Variants in MEF2D observed in about 807,000 individuals in gnomAD.
The protein encoded by MEF2D is myocyte enhancer factor 2D.
MEF2D carries 10 observed loss-of-function variants against 59.3 expected under a neutral mutation model. The observed-to-expected ratio is 0.17, with a 90% CI of 0.10 to 0.29. The LOEUF is 0.29. Among genes scored for constraint, MEF2D ranks in the 10% least tolerant of loss-of-function variants. The pLI is 1.00. For missense variants in MEF2D, 508 were observed against 699.4 expected, an observed-to-expected ratio of 0.73 and a Z score of 3.09; for synonymous variants, 305 against 295.0, an observed-to-expected ratio of 1.03 and a Z score of -0.35.
chr1:156,476,619 G>C (rs1353876703), intron 7 of MEF2D, 105 bp from the exon 8 acceptor site: 2 of 1,426,424 alleles, frequency 1.4e-6, no homozygotes, highest in Non-Finnish European at 1.9e-6. Context: ...CATAAGAGTA[G>C]GGTGGCTCTA....
At chr1:156,477,355 C>T (rs541221884) in intron 6 of MEF2D, among the ~76,000 whole-genome samples, 153 bp from the exon 7 acceptor site, 1 of 152,150 alleles carries the variant, frequency 6.6e-6, no homozygotes, top group African/African-American at 2.4e-5. Context: ...ATTCCCTGAA[C>T]ACTTCATGTC....
At chr1:156,477,526 T>C (rs1181756795) in intron 6 of MEF2D, among the ~76,000 whole-genome samples, 1 of 152,154 alleles carries the variant, frequency 6.6e-6, no homozygotes. Flanking sequence ...GCCAAGAGGT[T>C]CTTCTGTACC....
intron 2 of MEF2D, 105 bp downstream of exon 2, chr1:156,483,134 A>G: frequency 3.4e-6 from 4 of 1,180,672 alleles, no homozygotes; most frequent in Non-Finnish European, 5.0e-6. Flanking sequence ...AATAGCTTAT[A>G]GTTTCCCCTC....
intron 3 of MEF2D, 36 bp downstream of exon 3, chr1:156,482,401 G>A (rs368140255): frequency 1.7e-5 from 27 of 1,608,820 alleles, no homozygotes; most frequent in Admixed American, 5.0e-5. Flanking sequence ...GGATGCAGGC[G>A]GGGGTATATC....
At chr1:156,476,390 C>A in intron 8 of MEF2D, 104 bp downstream of exon 8, 1 of 1,336,826 alleles carries the variant, frequency 7.5e-7, no homozygotes. Flanking sequence ...CAACAGTTCA[C>A]GCACAGGCGA....
chr1:156,482,376 G>A, intron 3 of MEF2D, 61 bp downstream of exon 3: 2 of 1,579,940 alleles, frequency 1.3e-6, no homozygotes, highest in Non-Finnish European at 1.7e-6. Context: ...ATGCAACGTG[G>A]GCACGTGTCC....
At chr1:156,479,160 A>G in intron 6 of MEF2D, 130 bp downstream of exon 6, 2 of 663,812 alleles carry the variant, frequency 3.0e-6, no homozygotes, top group Non-Finnish European at 4.8e-6. Context: ...TCTCTGACTG[A>G]CTCTTCATCC....
At chr1:156,478,272 T>TG (rs1671749123) in intron 6 of MEF2D, among the ~76,000 whole-genome samples, 1 of 152,246 alleles carries the variant, frequency 6.6e-6, no homozygotes, top group South Asian at 2.1e-4. Context: ...AAAACTGAGC[T>TG]GGGGGATGCT....
At chr1:156,496,562 C>G (rs1191734119) in intron 1 of MEF2D, among the ~76,000 whole-genome samples, 1 of 152,168 alleles carries the variant, frequency 6.6e-6, no homozygotes, top group African/African-American at 2.4e-5. Context: ...ACCTTAATCC[C>G]TCCTGCTCCA....
rs372092331 is a variant in MEF2D at position 156,495,762 on chromosome 1, C to CAAAAAAAAAAAAAAAAAA, written c.-139+4723_-139+4724insTTTTTTTTTTTTTTTTTT. Among the ~76,000 whole-genome samples the CAAAAAAAAAAAAAAAAAA allele has an allele frequency of 3.8e-5, 3 of 78,012 alleles. 1 individual carries two copies. The highest frequency in any genetic ancestry group is 6.6e-5 in the Non-Finnish European group (3 of 45,240). The allele number at this position is 78,012 out of a possible 152,430, so 51.2% of individuals were successfully genotyped here. On this transcript the variant is annotated intron_variant, in intron 1 of 11. Coordinates refer to ENST00000348159, the MANE Select transcript of MEF2D (RefSeq NM_005920.4). The stretch of plus-strand genomic sequence containing the variant: ...GGGTAAAGCTCCTTTGACCAGGGGG[C>CAAAAAAAAAAAAAAAAAA]AAAAAAAAAAAAAAAAGCTCCCTCT...
Position 156,482,421 on chromosome 1 carries a change from G to T in MEF2D, c.258+16C>A, listed in dbSNP as rs1252767671. 6.2e-7 allele frequency: 1 copy of T among 1,613,186 alleles called. No individual in the cohort carries two copies. The highest frequency in any genetic ancestry group is 8.5e-7 in the Non-Finnish European group (1 of 1,179,932). On this transcript the variant is annotated intron_variant, in intron 3 of 11. Transcript: ENST00000348159. ...CAGGCGGGGGTATATCCTGGTGCCT[G>T]TGTGTATGGGCCCACCTCGATGATG...
At chr1:156,493,685 C>T (rs1571271589) in intron 1 of MEF2D, among the ~76,000 whole-genome samples, 1 of 152,128 alleles carries the variant, frequency 6.6e-6, no homozygotes. Context: ...CGTGCAGGGA[C>T]CCCTCAGATT....
At chr1:156,490,254 G>A (rs1337698836) in intron 1 of MEF2D, among the ~76,000 whole-genome samples, 2 of 151,722 alleles carry the variant, frequency 1.3e-5, no homozygotes, top group Admixed American at 6.6e-5. Flanking sequence ...CTCATGCTCC[G>A]TTCCCTCTGC....
chr1:156,498,706 G>A (rs962106111), intron 1 of MEF2D, among the ~76,000 whole-genome samples: 12 of 151,816 alleles, frequency 7.9e-5, no homozygotes, highest in Admixed American at 3.3e-4. Flanking sequence ...GTGTGTTGGC[G>A]GGGGCAGGGG....
intron 5 of MEF2D, 36 bp downstream of exon 5, chr1:156,479,550 T>G: frequency 6.5e-7 from 1 of 1,548,040 alleles, no homozygotes; most frequent in Non-Finnish European, 8.7e-7. Flanking sequence ...TCACATCTCA[T>G]TTCCACCTCA....
intron 1 of MEF2D, among the ~76,000 whole-genome samples, chr1:156,497,396 C>T (rs776129215): frequency 6.6e-6 from 1 of 152,228 alleles, no homozygotes; most frequent in South Asian, 2.1e-4. Context: ...GAGAGAGCCT[C>T]GAGAGTCCCA....
Position 156,464,188 on chromosome 1 carries a change from C to T in MEF2D, c.*3457G>A, listed in dbSNP as rs1052669999. 1.3e-5 allele frequency: 2 copies of T among 152,608 alleles called. No homozygotes were observed. Among genetic ancestry groups the T allele is most frequent in the Admixed American group, 1.3e-4 (2 of 15,280 alleles). 9.5% of individuals were successfully genotyped at this position (152,608 alleles called of 1,614,324 possible). ...GGAGTTCCCAGGCTCCATGTCTCCTCCCCTCCGCGAAAGCCTAAACTTACC... is the reference window on the plus strand; with the variant it reads ...GGAGTTCCCAGGCTCCATGTCTCCTTCCCTCCGCGAAAGCCTAAACTTACC... On this transcript the variant is annotated 3_prime_UTR_variant, in exon 12 of 12. Transcript: ENST00000348159.
intron 1 of MEF2D, among the ~76,000 whole-genome samples, chr1:156,486,607 T>A (rs1672380250): frequency 6.6e-6 from 1 of 152,180 alleles, no homozygotes; most frequent in Non-Finnish European, 1.5e-5. Flanking sequence ...TACTGCCTCT[T>A]CCTCCAAACT....
intron 4 of MEF2D, 153 bp downstream of exon 4, chr1:156,480,681 C>A: frequency 6.3e-7 from 1 of 1,576,672 alleles, no homozygotes; most frequent in Non-Finnish European, 8.6e-7. Context: ...TCAAACTCCT[C>A]GTCTATCTTT....
Sources: allele counts gnomAD v4.1 joint callset (sites outside exome capture counted in the v4.1 genomes callset), GRCh38; gene constraint gnomAD v4.1.1; transcripts MANE v1.5; gene names NCBI Gene and HGNC (gene_info 2026-07-23, HGNC 2026-07-21).